The following ADGRF3 variants were observed in gnomAD, a reference collection of about 807,000 sequenced individuals.
ADGRF3 encodes the protein adhesion G protein-coupled receptor F3.
In ADGRF3, 85 loss-of-function variants were observed where a neutral mutation model predicts 93.2. That is an observed-to-expected ratio of 0.91 (90% CI 0.77 to 1.09). The LOEUF (loss-of-function observed/expected upper bound fraction) is 1.09, where lower values mean the gene tolerates loss of function less well. ADGRF3 is among the 50% of genes least tolerant of loss of function. ADGRF3 has a pLI of 0.00. For missense variants in ADGRF3, 1,125 were observed against 1,246.2 expected, an observed-to-expected ratio of 0.90 and a Z score of 1.46; for synonymous variants, 534 against 532.5, an observed-to-expected ratio of 1.00 and a Z score of -0.04.
At chr2:26,346,036 C>T in intron 1 of ADGRF3, 85 bp downstream of exon 1, 11 of 1,373,308 alleles carry the variant, frequency 8.0e-6, no homozygotes, top group Non-Finnish European at 1.1e-5. Flanking sequence ...CGGGGAGAAG[C>T]GTGGGCTGCG....
At chr2:26,333,869 G>A (rs931643062) in intron 1 of ADGRF3, among the ~76,000 whole-genome samples, 3 of 151,920 alleles carry the variant, frequency 2.0e-5, no homozygotes, top group African/African-American at 7.3e-5. Flanking sequence ...TGTTGCCCAG[G>A]CTGGAGTGCA....
chr2:26,343,565 G>A (rs1676515481), intron 1 of ADGRF3, among the ~76,000 whole-genome samples: 2 of 151,792 alleles, frequency 1.3e-5, no homozygotes, highest in Admixed American at 6.6e-5. Flanking sequence ...TCAGCCTTCC[G>A]AGTAGCTGGG....
chr2:26,331,569 G>A (rs1015298754), intron 1 of ADGRF3, among the ~76,000 whole-genome samples: 1 of 152,048 alleles, frequency 6.6e-6, no homozygotes, highest in African/African-American at 2.4e-5. Context: ...AGACAAAAAA[G>A]TATATGTATT....
intron 12 of ADGRF3, 107 bp downstream of exon 12, chr2:26,309,936 A>G (rs1226587377): frequency 3.7e-6 from 6 of 1,611,090 alleles, no homozygotes; most frequent in East Asian, 2.2e-5. Flanking sequence ...AACAACCCCA[A>G]TCTTCTCTCA....
chr2:26,316,363 A>T lies in ADGRF3; in HGVS notation c.411T>A (p.Pro137=). 6.4e-7 allele frequency: 1 copy of T among 1,551,848 alleles called. No homozygotes were observed. Among genetic ancestry groups the T allele is most frequent in the Non-Finnish European group, 8.7e-7 (1 of 1,147,008 alleles). The change falls in exon 4 of 14, where the codon CCT becomes CCA. Residue 137 remains proline (P), a synonymous_variant. Transcript: ENST00000651242. ...QWNTSICLHY[P]PCQSLHNHQP... is the part of the protein sequence containing the mutation. ...GGTGGTTGTGGAGGCTTTGACAAGG[A>T]GGGTAATGGAGGCAGATGCTGGTGT...
In ADGRF3 at chr2:26,316,432, G is replaced by A. The variant is rs1458328103; in HGVS notation, c.342C>T (p.His114=). The A allele has an allele frequency of 6.4e-7, 1 of 1,551,602 alleles. No individual in the cohort carries two copies. Among genetic ancestry groups the A allele is most frequent in the Non-Finnish European group, 8.7e-7 (1 of 1,146,982 alleles). ...LRLTTECNVN[H]KGNFYCACLS... ...GGCAAGCACAATAGAAATTCCCCTT[G>A]TGGTTGACATTACACTCTGACAGAG... is the stretch of plus-strand genomic sequence containing the variant. The change falls in exon 4 of 14, where the codon CAC becomes CAT. Residue 114 remains histidine, a synonymous_variant. Coordinates refer to ENST00000651242, the MANE Select transcript of ADGRF3 (RefSeq NM_001321971.2).
chr2:26,313,999 C>T, intron 6 of ADGRF3, 96 bp from the exon 7 acceptor site: 1 of 1,473,130 alleles, frequency 6.8e-7, no homozygotes, highest in African/African-American at 1.4e-5. Flanking sequence ...TCTAGCAATT[C>T]AGAAACAGAG....
rs369660685 is a variant in ADGRF3, at chr2:26,311,342, A to G, written c.2182T>C (p.Trp728Arg). The G allele has an allele frequency of 1.9e-5, 31 of 1,613,878 alleles. No homozygotes were observed. Among genetic ancestry groups the G allele is most frequent in the Non-Finnish European group, 2.6e-5 (31 of 1,179,904 alleles). Reference protein sequence around the residue: ...LVCLGVYWLVWRVVVRNKISY... With the variant: ...LVCLGVYWLVRRVVVRNKISY... ...ATCTTGTTCCGCACCACGACTCTCCACACCAGCCAGTACACACCCAGGCAC... is the reference window on the plus strand; with the variant it reads ...ATCTTGTTCCGCACCACGACTCTCCGCACCAGCCAGTACACACCCAGGCAC... The change falls in exon 10 of 14, where the codon TGG (tryptophan) becomes CGG (arginine). Residue 728 changes from tryptophan to arginine, a missense_variant. By Grantham distance (101) the Trp-to-Arg change is moderately radical. Transcript: ENST00000651242.
At chr2:26,310,667 A>G (rs1273778121) in intron 10 of ADGRF3, 25 bp downstream of exon 10, 4 of 1,594,084 alleles carry the variant, frequency 2.5e-6, no homozygotes, top group Non-Finnish European at 3.4e-6. Flanking sequence ...AAAGCAAAAA[A>G]CACAGCCACC....
In ADGRF3 at chr2:26,315,716, G is replaced by A. The variant is rs1413499893; in HGVS notation, c.524C>T (p.Ser175Phe). ...PPVPGILNLN[S>F]QLQMPGDTLS... ...CGTGTCACCAGGCATCTGCAGCTGG[G>A]AGTTCAGGTTGAGGATCCCGGGGAC... Residue 175 changes from serine to phenylalanine, a missense_variant, in exon 5 of 14, where the codon TCC becomes TTC. By Grantham distance (155) the Ser-to-Phe change is radical (BLOSUM62 -2). Transcript: ENST00000651242. 14 of 1,551,476 alleles carry A rather than the reference G, an allele frequency of 9.0e-6. No homozygotes were observed. Among genetic ancestry groups the A allele is most frequent in the Non-Finnish European group, 1.2e-5 (14 of 1,146,974 alleles).
chr2:26,308,359 A>G lies in ADGRF3; in HGVS notation c.*727T>C. 1 of 152,142 alleles carries G rather than the reference A, an allele frequency of 6.6e-6. No homozygotes were observed. Among genetic ancestry groups the G allele is most frequent in the East Asian group, 1.9e-4 (1 of 5,202 alleles). 9.4% of individuals were successfully genotyped at this position (152,142 alleles called of 1,614,324 possible). On this transcript the variant is annotated 3_prime_UTR_variant, in exon 14 of 14. Coordinates refer to ENST00000651242, the MANE Select transcript of ADGRF3 (RefSeq NM_001321971.2). ...TCCATAAGTTAATTCAGCCAGATAG[A>G]TATCTTGGTGTCTTCAAAAAGATTT...
In ADGRF3 at chr2:26,308,977, G is replaced by T; in HGVS notation, c.*109C>A. ...AAATATAAGCCTGCCTTTCTCAAGGGCTGAGCTCCGGGAGGCGGGAAGAGT... is the reference window on the plus strand; with the variant it reads ...AAATATAAGCCTGCCTTTCTCAAGGTCTGAGCTCCGGGAGGCGGGAAGAGT... On this transcript the variant is annotated 3_prime_UTR_variant, in exon 14 of 14. Transcript: ENST00000651242. 6.9e-7 allele frequency: 1 copy of T among 1,459,068 alleles called. No individual in the cohort carries two copies. The highest frequency in any genetic ancestry group is 9.6e-7 in the Non-Finnish European group (1 of 1,042,226). The allele number at this position is 1,459,068 out of a possible 1,614,324, so 90.4% of individuals were successfully genotyped here. A position where few individuals can be genotyped will look rare whatever the true frequency, so the allele number is the denominator to read the frequency against.
chr2:26,318,351 T>C (rs1674890513), intron 1 of ADGRF3, among the ~76,000 whole-genome samples: 1 of 152,106 alleles, frequency 6.6e-6, no homozygotes, highest in African/African-American at 2.4e-5. Context: ...CCCAGTTACT[T>C]GGGAGGCTGA....
At position 26,313,802 on chromosome 2, in the gene ADGRF3, G is replaced by A. The variant is rs752432755; in HGVS notation, c.1030C>T (p.Leu344=). Residue 344 remains leucine, a synonymous_variant, in exon 7 of 14, where the codon CTG becomes TTG. Transcript: ENST00000651242. ...TYACDLQSLG[L]APLRVPISIT... The stretch of plus-strand genomic sequence containing the variant: ...GAGATGGGGACCCTGAGTGGAGCCA[G>A]GCCCAGGCTCTGCAGGTCACAAGCG... 2.5e-6 allele frequency: 4 copies of A among 1,613,872 alleles called. No homozygotes were observed. Among genetic ancestry groups the A allele is most frequent in the African/African-American group, 1.3e-5 (1 of 74,940 alleles).
Position 26,346,158 on chromosome 2 carries a change from C to G in ADGRF3, c.77G>C (p.Gly26Ala). 2 of 1,609,490 alleles carry G rather than the reference C, an allele frequency of 1.2e-6. No individual in the cohort carries two copies. Among genetic ancestry groups the G allele is most frequent in the Non-Finnish European group, 1.7e-6 (2 of 1,178,006 alleles). ...CCCAGTCTTTGCCATCCTTGCCCAG[C>G]CGGTGTGGTGCTTGTGTGTCACAGC... ...YKAVTHKHHT[G>A]WARMAKTGLP... is the part of the protein sequence containing the mutation. Residue 26 changes from glycine to alanine, a missense_variant, in exon 1 of 14, where the codon GGC (glycine) becomes GCC (alanine). Coordinates refer to ENST00000651242, the MANE Select transcript of ADGRF3 (RefSeq NM_001321971.2).
At chr2:26,323,627 GTGTT>G (rs1439058429) in intron 1 of ADGRF3, among the ~76,000 whole-genome samples, 2 of 129,826 alleles carry the variant, frequency 1.5e-5, no homozygotes, top group Admixed American at 7.5e-5. Context: ...TTCTTCTTCT[GTGTT>G]TGTTTTTTTT....
At chr2:26,325,616 T>C (rs1032323921) in intron 1 of ADGRF3, among the ~76,000 whole-genome samples, 1 of 152,204 alleles carries the variant, frequency 6.6e-6, no homozygotes, top group African/African-American at 2.4e-5. Context: ...TCTTACAAGA[T>C]GTGGGGTCTT....
chr2:26,316,793 C>G (rs1055692211), intron 3 of ADGRF3, 119 bp downstream of exon 3: 16 of 1,152,966 alleles, frequency 1.4e-5, no homozygotes, highest in Admixed American at 2.8e-5. Flanking sequence ...GAGACAGAAC[C>G]AGGCAGCCCT....
rs192786394 is a variant in ADGRF3, at chr2:26,309,109, T to C, written c.2994-2A>G. 6.2e-7 allele frequency: 1 copy of C among 1,614,046 alleles called. No homozygotes were observed. Among genetic ancestry groups the C allele is most frequent in the Non-Finnish European group, 8.5e-7 (1 of 1,179,898 alleles). Reference sequence around the variant, plus strand: ...GTTCACTCTGAAGCATCTGTCTTCCTGTGAAAGAGCTTGCGGCTGGTGAGT... The same window carrying C: ...GTTCACTCTGAAGCATCTGTCTTCCCGTGAAAGAGCTTGCGGCTGGTGAGT... On this transcript the variant is annotated splice_acceptor_variant, in intron 13 of 13. Transcript: ENST00000651242. LOFTEE classifies it high-confidence loss of function.
Sources: gnomAD v4.1 joint callset for allele counts (sites outside exome capture counted in the v4.1 genomes callset) on GRCh38, gnomAD v4.1.1 for gene constraint, MANE v1.5 for transcripts, NCBI Gene and HGNC (gene_info 2026-07-23, HGNC 2026-07-21) for gene names.